KCNN2: variants seen among roughly 807,000 people sequenced by gnomAD.
KCNN2 encodes potassium calcium-activated channel subfamily N member 2, also known as small conductance calcium-activated potassium channel protein 2.
KCNN2 carries 24 observed loss-of-function variants against 55.5 expected under a neutral mutation model. The observed-to-expected ratio is 0.43, with a 90% CI of 0.31 to 0.61. The LOEUF (loss-of-function observed/expected upper bound fraction) is 0.61. Ranked by LOEUF, KCNN2 falls within the 20% of genes least tolerant of loss-of-function variation. KCNN2 has a pLI of 0.08. For synonymous variants in KCNN2, 431 were observed against 336.1 expected, an observed-to-expected ratio of 1.28 and a Z score of -3.09; for missense variants, 754 against 853.6, an observed-to-expected ratio of 0.88 and a Z score of 1.45.
In KCNN2 at chr5:114,416,711, A is replaced by C. The variant is rs1198914878; in HGVS notation, c.1637+11855A>C. Among the ~76,000 whole-genome samples the C allele has an allele frequency of 5.9e-5, 9 of 152,286 alleles. No individual in the cohort carries two copies. The East Asian group carries it at 1.3e-3, about 23-fold the overall frequency. On this transcript the variant is annotated intron_variant, in intron 3 of 7. Coordinates refer to ENST00000673685, the MANE Select transcript of KCNN2 (RefSeq NM_021614.4). ...TGTGTCATATAAAATATACTGTTTCAGTTTATTAAATTGTATTTAATATTC... is the reference window on the plus strand; with the variant it reads ...TGTGTCATATAAAATATACTGTTTCCGTTTATTAAATTGTATTTAATATTC...
At chr5:114,207,955 G>C (rs1365961935) in intron 1 of KCNN2, among the ~76,000 whole-genome samples, 2 of 152,164 alleles carry the variant, frequency 1.3e-5, no homozygotes, top group Non-Finnish European at 2.9e-5. Context: ...ACTCAGAAGA[G>C]GCTGTTGTGG....
At chr5:114,151,128 A>G (rs527714656) in intron 1 of KCNN2, among the ~76,000 whole-genome samples, 59 of 152,140 alleles carry the variant, frequency 3.9e-4, no homozygotes, top group Non-Finnish European at 7.9e-4. Flanking sequence ...TTTAAAATCA[A>G]ATATCACTGA....
chr5:114,433,559 G>T (rs539702949), intron 3 of KCNN2: 1 of 152,430 alleles, frequency 6.6e-6, no homozygotes, highest in East Asian at 1.9e-4. Context: ...TTGTTCTTTC[G>T]CTCTTTTGCA....
At chr5:114,277,463 T>C (rs916329195) in intron 2 of KCNN2, among the ~76,000 whole-genome samples, 1 of 152,172 alleles carries the variant, frequency 6.6e-6, no homozygotes, top group African/African-American at 2.4e-5. Context: ...CCCCGTCACT[T>C]TTAGGTACAC....
intron 1 of KCNN2, among the ~76,000 whole-genome samples, chr5:114,180,333 C>G (rs1753215498): frequency 6.6e-6 from 1 of 152,046 alleles, no homozygotes; most frequent in African/African-American, 2.4e-5. Flanking sequence ...GTTTTATACC[C>G]TTATTGTCAC....
At chr5:114,250,564 T>C (rs561497728) in intron 2 of KCNN2, among the ~76,000 whole-genome samples, 1 of 152,208 alleles carries the variant, frequency 6.6e-6, no homozygotes, top group South Asian at 2.1e-4. Context: ...CAGCTGATAA[T>C]ATGAAAAGGT....
At chr5:114,415,676 C>T (rs1382836345) in intron 3 of KCNN2, among the ~76,000 whole-genome samples, 1 of 152,032 alleles carries the variant, frequency 6.6e-6, no homozygotes, top group African/African-American at 2.4e-5. Flanking sequence ...ATCATTAGTT[C>T]TTTGTGTATC....
At chr5:114,426,773 G>C (rs1181084688) in intron 3 of KCNN2, among the ~76,000 whole-genome samples, 3 of 152,112 alleles carry the variant, frequency 2.0e-5, no homozygotes, top group Non-Finnish European at 4.4e-5. Context: ...TATCATATAG[G>C]GGAGGGGAAA....
rs142866698 is a variant in KCNN2, at chr5:114,179,399, T to C, written c.-270-42081T>C. Among the ~76,000 whole-genome samples, 418 of 152,326 alleles carry C rather than the reference T, an allele frequency of 2.7e-3. 3 individuals carry two copies. Among genetic ancestry groups the C allele is most frequent in the African/African-American group, 9.2e-3 (381 of 41,566 alleles). ...TGGGAGCTTGCTTTCCCCAGAGTGA[T>C]ATAAGAGAAAGAAAGGAGAGAACAA... On this transcript the variant is annotated intron_variant, in intron 1 of 10. Transcript: ENST00000512097.
chr5:114,399,447 C>T (rs890111595), intron 2 of KCNN2, among the ~76,000 whole-genome samples: 2 of 152,104 alleles, frequency 1.3e-5, no homozygotes, highest in African/African-American at 2.4e-5. Context: ...AGAGATAAAG[C>T]GTATTTGATT....
intron 2 of KCNN2, among the ~76,000 whole-genome samples, chr5:114,272,422 TATGTACGTACATATCATATACACAC>T (rs1561549147): frequency 0.1 from 2,813 of 27,356 alleles, 226 homozygotes; most frequent in African/African-American, 0.13. Flanking sequence ...TCTACACACA[TATGTACGTACATATCATATACACAC>T]ATATGTATGT....
chr5:114,363,169 A>C lies in KCNN2; in HGVS notation c.1030A>C (p.Lys344Gln). The change falls in exon 1 of 8, where the codon AAG becomes CAG. Residue 344 changes from lysine to glutamine, a missense_variant. Coordinates refer to ENST00000673685, the MANE Select transcript of KCNN2 (RefSeq NM_021614.4). ...CCGGCGCGCCCTGTTCGAAAAGCGC[A>C]AGCGGCTCAGCGACTACGCGCTCAT... ...GHRRALFEKR[K>Q]RLSDYALIFG... 6.2e-7 allele frequency: 1 copy of C among 1,613,538 alleles called. No individual in the cohort carries two copies. The highest frequency in any genetic ancestry group is 8.5e-7 in the Non-Finnish European group (1 of 1,180,024).
At chr5:114,332,438 T>C (rs1377926934) in intron 2 of KCNN2, among the ~76,000 whole-genome samples, 1 of 152,164 alleles carries the variant, frequency 6.6e-6, no homozygotes, top group African/African-American at 2.4e-5. Flanking sequence ...AATTTAGTAA[T>C]TGGTAAGGTT....
At chr5:114,196,325 C>A (rs1480303050) in intron 1 of KCNN2, among the ~76,000 whole-genome samples, 1 of 151,832 alleles carries the variant, frequency 6.6e-6, no homozygotes, top group African/African-American at 2.4e-5. Flanking sequence ...TTGTTCTATA[C>A]TTTTTATTTC....
Position 114,404,492 on chromosome 5 carries a change from C to T in KCNN2, c.1273C>T (p.Arg425Cys), listed in dbSNP as rs145608339. ...CTGGAGAATAGCCATGACTTATGAGCGTATTTTCTTCATCTGCTTGGAAAT... is the reference window on the plus strand; with the variant it reads ...CTGGAGAATAGCCATGACTTATGAGTGTATTTTCTTCATCTGCTTGGAAAT... Reference protein sequence around the residue: ...DDWRIAMTYERIFFICLEILV... With the variant: ...DDWRIAMTYECIFFICLEILV... The change falls in exon 3 of 8, where the codon CGT becomes TGT. Residue 425 changes from arginine (R) to cysteine (C), a missense_variant. This residue lies in a region of KCNN2 where 123 missense variants were observed against 204.9 expected (regional missense o/e 0.60). Coordinates refer to ENST00000673685, the MANE Select transcript of KCNN2 (RefSeq NM_021614.4). 1.2e-6 allele frequency: 2 copies of T among 1,613,268 alleles called. No individual in the cohort carries two copies. Among genetic ancestry groups the T allele is most frequent in the South Asian group, 1.1e-5 (1 of 91,070 alleles).
chr5:114,430,005 A>G (rs1203873851), intron 3 of KCNN2, among the ~76,000 whole-genome samples: 3 of 151,872 alleles, frequency 2.0e-5, no homozygotes, highest in African/African-American at 4.8e-5. Flanking sequence ...TTTCACTATT[A>G]ACACACTGTC....
At chr5:114,282,754 T>C (rs1354831640) in intron 2 of KCNN2, among the ~76,000 whole-genome samples, 3 of 152,184 alleles carry the variant, frequency 2.0e-5, no homozygotes, top group East Asian at 1.9e-4. Context: ...TTGTGTAACA[T>C]TGGATTTTTA....
chr5:114,191,889 G>A (rs960035190), intron 1 of KCNN2, among the ~76,000 whole-genome samples: 1 of 152,174 alleles, frequency 6.6e-6, no homozygotes, highest in East Asian at 1.9e-4. Context: ...GCCTTAGGAA[G>A]TCCAGGCTGA....
chr5:114,405,380 A>G (rs1305293052), intron 3 of KCNN2, among the ~76,000 whole-genome samples: 2 of 152,228 alleles, frequency 1.3e-5, no homozygotes, highest in Non-Finnish European at 2.9e-5. Flanking sequence ...TGAACTTTCA[A>G]CAATTAGTAA....
Sources: gnomAD v4.1 joint callset for allele counts (sites outside exome capture counted in the v4.1 genomes callset) on GRCh38, gnomAD v4.1.1 for gene constraint, gnomAD v4.1.1 regional missense constraint, MANE v1.5 for transcripts, NCBI Gene and HGNC (gene_info 2026-07-23, HGNC 2026-07-21) for gene names.